Variants in PLCG2 observed in about 807,000 individuals in gnomAD.
PLCG2 encodes the protein 1-phosphatidylinositol 4,5-bisphosphate phosphodiesterase gamma-2.
In PLCG2, 69 loss-of-function variants were observed where a neutral mutation model predicts 175.6. The ratio of observed to expected loss-of-function variants is 0.39; its 90% CI spans 0.32 to 0.48. The LOEUF (loss-of-function observed/expected upper bound fraction) is 0.48. Ranked by LOEUF, PLCG2 falls within the 20% of genes least tolerant of loss-of-function variation. The probability of loss-of-function intolerance (pLI) is 0.91; values close to 1 mark genes in which losing one functional copy is unlikely to be tolerated. For synonymous variants in PLCG2, 827 were observed against 624.0 expected, an observed-to-expected ratio of 1.33 and a Z score of -4.85; for missense variants, 1,798 against 1,650.9, an observed-to-expected ratio of 1.09 and a Z score of -1.54.
rs550347441 is a variant in PLCG2, at chr16:81,900,921, A to G, written c.1362+141A>G. On this transcript the variant is annotated intron_variant, in intron 14 of 32. Coordinates refer to ENST00000564138, the MANE Select transcript of PLCG2 (RefSeq NM_002661.5). ...GCACAGGCTCAAATCTGCTCTCCTT[A>G]CTAACACTGTGACCTTAGGCAAAGT... 5.8e-6 allele frequency: 4 copies of G among 690,292 alleles called. No individual in the cohort carries two copies. In the South Asian group the frequency reaches 8.1e-5, roughly 14 times the overall value. 42.8% of individuals were successfully genotyped at this position (690,292 alleles called of 1,614,324 possible).
intron 2 of PLCG2, among the ~76,000 whole-genome samples, chr16:81,803,364 G>A (rs35142664): frequency 1.3e-5 from 2 of 151,586 alleles, no homozygotes; most frequent in African/African-American, 4.8e-5. Flanking sequence ...CTAACATAAG[G>A]TTCGTTCATA....
rs887642136 is a variant in PLCG2 at position 81,961,353 on chromosome 16, G to C, written c.*3355G>C. On this transcript the variant is annotated 3_prime_UTR_variant, in exon 33 of 33. Coordinates refer to ENST00000564138, the MANE Select transcript of PLCG2 (RefSeq NM_002661.5). ...ATAGATGAAATAATTGTGGAGAAAA[G>C]CCCTCTTTATCTCATTAAGTGATAC... The C allele has an allele frequency of 9.7e-5, 22 of 225,980 alleles. No homozygotes were observed. Among genetic ancestry groups the C allele is most frequent in the Middle Eastern group, 2.7e-3 (2 of 740 alleles). 14.0% of individuals were successfully genotyped at this position (225,980 alleles called of 1,614,324 possible).
At chr16:81,827,212 G>T (rs1204344151) in intron 2 of PLCG2, among the ~76,000 whole-genome samples, 1 of 142,844 alleles carries the variant, frequency 7.0e-6, no homozygotes, top group African/African-American at 2.6e-5. Context: ...TTGGGGACAG[G>T]GTCTCACTCT....
At chr16:81,897,985 C>T (rs978207631) in intron 13 of PLCG2, 1 of 412,154 alleles carries the variant, frequency 2.4e-6, no homozygotes, top group Non-Finnish European at 4.9e-6. Flanking sequence ...TCCATCGCAG[C>T]ATTCTCCCCT....
Position 81,939,957 on chromosome 16 carries a change from C to G in PLCG2, c.3379C>G (p.Pro1127Ala), listed in dbSNP as rs762731399. 27 of 1,613,826 alleles carry G rather than the reference C, an allele frequency of 1.7e-5. No homozygotes were observed. The highest frequency in any genetic ancestry group is 2.2e-5 in the Non-Finnish European group (26 of 1,179,718). The change falls in exon 30 of 33, where the codon CCA becomes GCA. Residue 1127 changes from proline to alanine, a missense_variant. Physicochemically the swap from Pro to Ala is conservative, Grantham distance 27 (BLOSUM62 -1). Coordinates refer to ENST00000564138, the MANE Select transcript of PLCG2 (RefSeq NM_002661.5). ...GAAGGTGACATTTGAAATTTATGAC[C>G]CAAACCTGGCATTTCTGCGCTTTGT... The part of the protein sequence containing the change: ...QEKVTFEIYD[P>A]NLAFLRFVVY...
At chr16:81,892,569 C>T (rs1908687600) in intron 11 of PLCG2, among the ~76,000 whole-genome samples, 1 of 152,100 alleles carries the variant, frequency 6.6e-6, no homozygotes, top group Non-Finnish European at 1.5e-5. Context: ...TCTCTCTTCC[C>T]CACCATGCCC....
chr16:81,919,547 C>T lies in PLCG2; in HGVS notation c.2118C>T (p.Thr706=), dbSNP rs775890995. Residue 706 remains threonine (T), a synonymous_variant, in exon 20 of 33, where the codon ACC becomes ACT. Coordinates refer to ENST00000564138, the MANE Select transcript of PLCG2 (RefSeq NM_002661.5). The part of the protein sequence containing the change: ...NRDGRHFVLG[T]SAYFESLVEL... The stretch of plus-strand genomic sequence containing the variant: ...ACGGCCGGCACTTTGTGCTGGGGAC[C>T]TCCGCCTATTTTGAGAGTCTGGTGG... The T allele has an allele frequency of 1.2e-6, 2 of 1,614,002 alleles. No individual in the cohort carries two copies. The highest frequency in any genetic ancestry group is 1.1e-5 in the South Asian group (1 of 91,076).
chr16:81,935,607 T>A, intron 26 of PLCG2: 1 of 985,168 alleles, frequency 1.0e-6, no homozygotes, highest in East Asian at 1.1e-4. Flanking sequence ...TAGGAACTTC[T>A]ACCTTCAGGG....
At chr16:81,882,756 C>A (rs1166871345) in intron 8 of PLCG2, among the ~76,000 whole-genome samples, 1 of 151,968 alleles carries the variant, frequency 6.6e-6, no homozygotes, top group Non-Finnish European at 1.5e-5. Flanking sequence ...TCTTGCTCAC[C>A]CCACCTCATT....
At chr16:81,895,757 G>A (rs755992395) in intron 12 of PLCG2, 50 bp from the exon 13 acceptor site, 2 of 1,607,738 alleles carry the variant, frequency 1.2e-6, no homozygotes, top group Non-Finnish European at 1.7e-6. Context: ...TGACCTCGGG[G>A]CTGTCAGTGA....
At position 81,942,916 on chromosome 16, in the gene PLCG2, TTA is replaced by T. The variant is rs1025737095; in HGVS notation, c.3481+2859_3481+2860del. Among the ~76,000 whole-genome samples, 42 of 138,106 alleles carry T rather than the reference TTA, an allele frequency of 3.0e-4. 1 individual carries two copies. The South Asian group carries it at 4.2e-3, about 14-fold the overall frequency. The allele number at this position is 138,106 out of a possible 152,430, so 90.6% of individuals were successfully genotyped here. ...CTAGAAACAAGAAGAAGAAAAACAATTATTTTTTTTTTTTTTATACAAGGAGG... is the reference window on the plus strand; with the variant it reads ...CTAGAAACAAGAAGAAGAAAAACAATTTTTTTTTTTTTTTATACAAGGAGG... On this transcript the variant is annotated intron_variant, in intron 30 of 32. Transcript: ENST00000564138.
At chr16:81,847,029 A>G (rs1488380608) in intron 2 of PLCG2, among the ~76,000 whole-genome samples, 1 of 152,068 alleles carries the variant, frequency 6.6e-6, no homozygotes, top group Non-Finnish European at 1.5e-5. Context: ...GTCCCTCAAG[A>G]CTCTGTCCCA....
chr16:81,752,042 A>G lies in PLCG2; in HGVS notation c.-144-3828A>G, dbSNP rs144312980. On this transcript the variant is annotated intron_variant, in intron 1 of 5. Transcript: ENST00000565054. Reference sequence around the variant, plus strand: ...ATCTCAAAAAATAAATATAAAAAAAATATAATATATGTATATAATATATAT... The same window carrying G: ...ATCTCAAAAAATAAATATAAAAAAAGTATAATATATGTATATAATATATAT... 3.1e-3 allele frequency among the ~76,000 whole-genome samples: 467 copies of G among 151,238 alleles called. 2 individuals carry two copies. Among genetic ancestry groups the G allele is most frequent in the African/African-American group, 0.011 (439 of 41,406 alleles).
At chr16:81,781,028 G>GACAA (rs112007343) in intron 1 of PLCG2, among the ~76,000 whole-genome samples, 78,444 of 150,716 alleles carry the variant, frequency 0.52, 20,595 homozygotes, top group South Asian at 0.58. Context: ...TCCATCTCAA[G>GACAA]ACAAACAAAC....
chr16:81,872,639 G>C (rs1907572719), intron 7 of PLCG2, among the ~76,000 whole-genome samples: 1 of 152,244 alleles, frequency 6.6e-6, no homozygotes. Context: ...ATAAGTAGGG[G>C]CTGCTGTTGT....
chr16:81,930,763 A>AC (rs1910467175), intron 24 of PLCG2, among the ~76,000 whole-genome samples: 3 of 149,216 alleles, frequency 2.0e-5, no homozygotes, highest in Non-Finnish European at 4.5e-5. Context: ...AAAAAAAAAA[A>AC]GCCATTTAAA....
intron 28 of PLCG2, chr16:81,938,428 C>CAGTT (rs1162726634): frequency 4.0e-6 from 1 of 249,578 alleles, no homozygotes; most frequent in East Asian, 7.7e-5. Flanking sequence ...AAATAAACAG[C>CAGTT]AGTTATAAAA....
At position 81,936,255 on chromosome 16, in the gene PLCG2, T is replaced by C; in HGVS notation, c.2929T>C (p.Tyr977His). 6.2e-7 allele frequency: 1 copy of C among 1,614,084 alleles called. No homozygotes were observed. Among genetic ancestry groups the C allele is most frequent in the Non-Finnish European group, 8.5e-7 (1 of 1,180,006 alleles). The change falls in exon 27 of 33, where the codon TAC becomes CAC. Residue 977 changes from tyrosine (Y) to histidine (H), a missense_variant. By Grantham distance (83) the Tyr-to-His change is moderately conservative (BLOSUM62 2). Coordinates refer to ENST00000564138, the MANE Select transcript of PLCG2 (RefSeq NM_002661.5). The part of the protein sequence containing the change: ...IRQKPVDLLK[Y>H]NQKGLTRVYP... ...ACAGAAGCCCGTCGACCTCCTGAAG[T>C]ACAATCAAAAGGGCCTGACCCGCGT...
chr16:81,895,781 T>C (rs776036196), intron 12 of PLCG2, 26 bp from the exon 13 acceptor site: 28 of 1,613,704 alleles, frequency 1.7e-5, no homozygotes, highest in Non-Finnish European at 2.3e-5. Context: ...CACGTGGTAT[T>C]GAGGCTGCCG....
Sources: gnomAD v4.1 joint callset for allele counts (sites outside exome capture counted in the v4.1 genomes callset) on GRCh38, gnomAD v4.1.1 for gene constraint, MANE v1.5 for transcripts, NCBI Gene and HGNC (gene_info 2026-07-23, HGNC 2026-07-21) for gene names.